FBXW8: variants seen among roughly 807,000 people sequenced by gnomAD.
FBXW8 encodes the protein F-box/WD repeat-containing protein 8.
FBXW8 carries 57 observed loss-of-function variants against 65.3 expected under a neutral mutation model. That is an observed-to-expected ratio of 0.87 (90% CI 0.71 to 1.09). FBXW8 has a LOEUF of 1.09. Ranked by LOEUF, FBXW8 falls within the 50% of genes least tolerant of loss-of-function variation. The pLI is 0.00. For missense variants in FBXW8, 777 were observed against 814.8 expected, an observed-to-expected ratio of 0.95 and a Z score of 0.57; for synonymous variants, 308 against 330.2, an observed-to-expected ratio of 0.93 and a Z score of 0.73.
At chr12:117,004,956 G>A (rs751994336) in intron 7 of FBXW8, among the ~76,000 whole-genome samples, 5 of 152,210 alleles carry the variant, frequency 3.3e-5, no homozygotes, top group Non-Finnish European at 7.3e-5. Context: ...TAAACAGAAT[G>A]TCTGAAGGAC....
Position 116,911,092 on chromosome 12 carries a change from C to A in FBXW8, c.55C>A (p.Gln19Lys). ...TCGGCGCTGGCAGGAGGAGCTGGCG[C>A]AGGCCCAGGCGCCGAAGAAGCGGCG... ...FRRRWQEELAQAQAPKKRRRP... is the reference protein window; with the variant it reads ...FRRRWQEELAKAQAPKKRRRP... The change falls in exon 1 of 11, where the codon CAG becomes AAG. Residue 19 changes from glutamine (Q) to lysine (K), a missense_variant. Transcript: ENST00000652555. The A allele has an allele frequency of 7.0e-7, 1 of 1,431,946 alleles. No homozygotes were observed. The highest frequency in any genetic ancestry group is 9.1e-7 in the Non-Finnish European group (1 of 1,101,796). The allele number at this position is 1,431,946 out of a possible 1,614,324, so 88.7% of individuals were successfully genotyped here. A position where few individuals can be genotyped will look rare whatever the true frequency, so the allele number is the denominator to read the frequency against.
intron 2 of FBXW8, among the ~76,000 whole-genome samples, chr12:116,942,831 G>A (rs1882695143): frequency 7.7e-6 from 1 of 130,664 alleles, no homozygotes; most frequent in Non-Finnish European, 1.5e-5. Flanking sequence ...AGGCCAGAGT[G>A]CAGTGGTGTG....
chr12:116,940,760 C>T (rs1882512795), intron 2 of FBXW8, among the ~76,000 whole-genome samples: 1 of 151,980 alleles, frequency 6.6e-6, no homozygotes, highest in Non-Finnish European at 1.5e-5. Context: ...GTTGAGTAGC[C>T]ATGTTGATGG....
intron 2 of FBXW8, among the ~76,000 whole-genome samples, 161 bp from the exon 3 acceptor site, chr12:116,945,203 A>G (rs1198969387): frequency 6.6e-6 from 1 of 152,142 alleles, no homozygotes; most frequent in Admixed American, 6.5e-5. Context: ...AACTGGAAAC[A>G]TTTGCTTGTA....
intron 8 of FBXW8, among the ~76,000 whole-genome samples, chr12:117,015,463 A>G (rs1953929909): frequency 6.6e-6 from 1 of 152,156 alleles, no homozygotes. Context: ...GCTGTATTAA[A>G]TGAGGGCCCT....
chr12:117,004,887 T>C (rs1953639674), intron 7 of FBXW8, among the ~76,000 whole-genome samples: 1 of 152,192 alleles, frequency 6.6e-6, no homozygotes, highest in South Asian at 2.1e-4. Flanking sequence ...CGTGCTCTCT[T>C]CATCTGGGTT....
rs1882527334 is a variant in FBXW8 at position 116,940,986 on chromosome 12, TGA to T, written c.424-4377_424-4376del. ...GATAATATTTAGAGCAATGAAGAAA[TGA>T]CTAAGGGGAAATATGATCGCTGTCT... On this transcript the variant is annotated intron_variant, in intron 2 of 10. Transcript: ENST00000652555. Among the ~76,000 whole-genome samples the T allele has an allele frequency of 5.3e-5, 8 of 152,242 alleles. No homozygotes were observed. In the South Asian group the frequency reaches 1.7e-3, roughly 32 times the overall value.
intron 7 of FBXW8, among the ~76,000 whole-genome samples, chr12:117,004,900 A>C (rs542847065): frequency 2.6e-5 from 4 of 152,098 alleles, no homozygotes; most frequent in African/African-American, 9.7e-5. Context: ...TCTGGGTTTC[A>C]TGCTGTCTCC....
chr12:116,921,710 T>C (rs73395576), intron 1 of FBXW8, among the ~76,000 whole-genome samples: 3,601 of 152,182 alleles, frequency 0.024, 145 homozygotes, highest in African/African-American at 0.082. Context: ...GAAAATATCA[T>C]GTGCTCACTG....
At chr12:117,013,696 C>T (rs1953879037) in intron 8 of FBXW8, among the ~76,000 whole-genome samples, 2 of 152,118 alleles carry the variant, frequency 1.3e-5, no homozygotes, top group South Asian at 2.1e-4. Context: ...TTAAAAGTTA[C>T]ACAAAGTAAT....
chr12:116,918,364 C>T (rs1002812034), intron 1 of FBXW8, among the ~76,000 whole-genome samples: 3 of 152,178 alleles, frequency 2.0e-5, no homozygotes, highest in African/African-American at 7.2e-5. Context: ...CTCTGGGCTG[C>T]AGGCAACAAG....
intron 5 of FBXW8, among the ~76,000 whole-genome samples, chr12:116,983,480 T>C (rs1885457178): frequency 6.6e-6 from 1 of 152,220 alleles, no homozygotes; most frequent in African/African-American, 2.4e-5. Context: ...CTTAGCCTAC[T>C]GACAGTTTGG....
chr12:116,963,565 C>T (rs1161506986), intron 4 of FBXW8, among the ~76,000 whole-genome samples: 1 of 152,188 alleles, frequency 6.6e-6, no homozygotes, highest in Non-Finnish European at 1.5e-5. Flanking sequence ...AATTGTGCCA[C>T]TGAACTCTAG....
chr12:116,979,200 A>G (rs970802232), intron 5 of FBXW8: 2 of 152,252 alleles, frequency 1.3e-5, no homozygotes, highest in African/African-American at 4.8e-5. Context: ...AATCTTTACA[A>G]AAGCTAACAT....
At chr12:116,927,934 A>C in intron 1 of FBXW8, 89 bp from the exon 2 acceptor site, 1 of 748,824 alleles carries the variant, frequency 1.3e-6, no homozygotes, top group Non-Finnish European at 2.2e-6. Flanking sequence ...ACCACCTAAG[A>C]ATATCTCTGG....
At chr12:116,997,042 AT>A (rs1953394248) in intron 7 of FBXW8, among the ~76,000 whole-genome samples, 1 of 152,202 alleles carries the variant, frequency 6.6e-6, no homozygotes, top group Admixed American at 6.5e-5. Flanking sequence ...ATTCAAATGC[AT>A]TTTGTACATG....
At chr12:116,977,173 A>G (rs1885000355) in intron 5 of FBXW8, among the ~76,000 whole-genome samples, 1 of 152,208 alleles carries the variant, frequency 6.6e-6, no homozygotes, top group South Asian at 2.1e-4. Flanking sequence ...CAGTTTCGCC[A>G]TCATTTAAAT....
chr12:116,978,719 G>C (rs1885112288), intron 5 of FBXW8: 1 of 152,124 alleles, frequency 6.6e-6, no homozygotes, highest in Non-Finnish European at 1.5e-5. Flanking sequence ...GTTGAAGAAG[G>C]GACTAGTCTA....
At chr12:117,009,852 A>G (rs191923508) in intron 7 of FBXW8, among the ~76,000 whole-genome samples, 1 of 152,134 alleles carries the variant, frequency 6.6e-6, no homozygotes, top group African/African-American at 2.4e-5. Flanking sequence ...GTGGCTATGC[A>G]AGCTTCATCT....
Sources: gnomAD v4.1 joint callset for allele counts (sites outside exome capture counted in the v4.1 genomes callset) on GRCh38, gnomAD v4.1.1 for gene constraint, MANE v1.5 for transcripts, NCBI Gene and HGNC (gene_info 2026-07-23, HGNC 2026-07-21) for gene names.